Variants in LIMS1 observed in about 807,000 individuals in gnomAD.
LIMS1 encodes LIM zinc finger domain containing 1, also known as LIM and senescent cell antigen-like-containing domain protein 1.
A neutral mutation model predicts 44.1 loss-of-function variants in LIMS1; 18 were observed. The observed-to-expected ratio is 0.41, with a 90% CI of 0.28 to 0.61. The LOEUF (loss-of-function observed/expected upper bound fraction) is 0.61. Among genes scored for constraint, LIMS1 ranks in the 20% least tolerant of loss-of-function variants. LIMS1 has a pLI of 0.32. For synonymous variants in LIMS1, 93 were observed against 149.1 expected (o/e 0.62, Z 2.74); for missense variants, 201 against 422.0 (o/e 0.48, Z 4.59).
At chr2:108,576,946 C>T (rs905640091) in intron 1 of LIMS1, among the ~76,000 whole-genome samples, 3 of 152,180 alleles carry the variant, frequency 2.0e-5, no homozygotes, top group African/African-American at 7.2e-5. Context: ...TTCTGGCCAT[C>T]CCAAACAGGG....
chr2:108,651,084 GC>G (rs1690451336), intron 1 of LIMS1, among the ~76,000 whole-genome samples: 1 of 151,072 alleles, frequency 6.6e-6, no homozygotes, highest in Non-Finnish European at 1.5e-5. Context: ...AGGAAGGGCA[GC>G]CCATCAGTGC....
rs188537790 is a variant in LIMS1, at chr2:108,666,859, C to T, written c.193-3922C>T. On this transcript the variant is annotated intron_variant, in intron 2 of 9. Coordinates refer to ENST00000544547, the Ensembl canonical transcript of LIMS1. ...TACAAAGGATACAGCTGAAGAGATACGTAGGGTGAGGTATATAGGGGAAGG... is the reference window on the plus strand; with the variant it reads ...TACAAAGGATACAGCTGAAGAGATATGTAGGGTGAGGTATATAGGGGAAGG... Among the ~76,000 whole-genome samples, 12 of 151,914 alleles carry T rather than the reference C, an allele frequency of 7.9e-5. No individual in the cohort carries two copies. In the East Asian group the frequency reaches 1.2e-3, roughly 15 times the overall value.
intron 7 of LIMS1, 97 bp downstream of exon 7, chr2:108,676,795 T>G (rs1288304952): frequency 1.3e-6 from 1 of 766,526 alleles, no homozygotes; most frequent in Non-Finnish European, 2.0e-6. Context: ...ATGTACATTG[T>G]TCAGTAGAGA....
chr2:108,580,753 G>T (rs562817830), intron 1 of LIMS1, among the ~76,000 whole-genome samples: 1 of 152,202 alleles, frequency 6.6e-6, no homozygotes, highest in Non-Finnish European at 1.5e-5. Context: ...CAGGTTTCTC[G>T]CTTGGACTAG....
At chr2:108,573,192 A>ACT (rs1350287950) in intron 1 of LIMS1, among the ~76,000 whole-genome samples, 1 of 152,056 alleles carries the variant, frequency 6.6e-6, no homozygotes, top group African/African-American at 2.4e-5. Context: ...CTAAATACTT[A>ACT]CTCTCAATTT....
intron 1 of LIMS1, among the ~76,000 whole-genome samples, chr2:108,645,690 C>A (rs559643127): frequency 6.6e-6 from 1 of 152,172 alleles, no homozygotes; most frequent in African/African-American, 2.4e-5. Context: ...TTAAAAGACA[C>A]AGACTGGCAA....
At chr2:108,596,230 G>A (rs1026306136) in intron 1 of LIMS1, among the ~76,000 whole-genome samples, 10 of 152,122 alleles carry the variant, frequency 6.6e-5, no homozygotes, top group Non-Finnish European at 1.5e-4. Context: ...GTATTAATAC[G>A]AGTTAATTTG....
intron 1 of LIMS1, among the ~76,000 whole-genome samples, chr2:108,596,846 G>T (rs1324944310): frequency 1.3e-5 from 2 of 150,582 alleles, no homozygotes; most frequent in Non-Finnish European, 1.5e-5. Context: ...TAAAAAGGAG[G>T]GGGGCATGTT....
chr2:108,592,173 ACCCATTAGTT>A (rs1276229020), intron 1 of LIMS1, among the ~76,000 whole-genome samples: 1 of 151,798 alleles, frequency 6.6e-6, no homozygotes, highest in Non-Finnish European at 1.5e-5. Context: ...ATGTTGATTG[ACCCATTAGTT>A]CCAGGAGAAG....
chr2:108,591,953 C>T (rs532782173), intron 1 of LIMS1, among the ~76,000 whole-genome samples: 1 of 152,142 alleles, frequency 6.6e-6, no homozygotes, highest in Admixed American at 6.5e-5. Context: ...CACCACCATG[C>T]CCGGCTAATT....
chr2:108,554,337 C>T (rs1684851920), intron 1 of LIMS1, among the ~76,000 whole-genome samples: 1 of 152,130 alleles, frequency 6.6e-6, no homozygotes, highest in Admixed American at 6.5e-5. Context: ...TAACCCATGG[C>T]TCCACTTCAT....
chr2:108,584,361 GT>G (rs1488721540), intron 1 of LIMS1, among the ~76,000 whole-genome samples: 2 of 152,108 alleles, frequency 1.3e-5, no homozygotes, highest in African/African-American at 2.4e-5. Context: ...TGCATTCTAG[GT>G]TTCCCCCTAG....
At chr2:108,660,204 C>T in intron 2 of LIMS1, 2 of 477,226 alleles carry the variant, frequency 4.2e-6, no homozygotes, top group Non-Finnish European at 8.6e-6. Flanking sequence ...GTCACCCCCT[C>T]CACAACTTCC....
intron 1 of LIMS1, among the ~76,000 whole-genome samples, chr2:108,625,072 C>T (rs1357376208): frequency 6.6e-6 from 1 of 152,208 alleles, no homozygotes. Flanking sequence ...GAGTGAGACT[C>T]TCTCAAACAA....
chr2:108,634,510 A>G (rs1689105514), intron 1 of LIMS1, among the ~76,000 whole-genome samples: 1 of 152,216 alleles, frequency 6.6e-6, no homozygotes, highest in African/African-American at 2.4e-5. Flanking sequence ...ACCACTAGCA[A>G]GAGGCAAATC....
chr2:108,556,492 G>A (rs963132199), intron 1 of LIMS1, among the ~76,000 whole-genome samples: 1 of 152,176 alleles, frequency 6.6e-6, no homozygotes, highest in Non-Finnish European at 1.5e-5. Context: ...GGAGTTGCTG[G>A]ATCATATGGT....
chr2:108,596,927 T>C (rs1387582462), intron 1 of LIMS1, among the ~76,000 whole-genome samples: 1 of 142,652 alleles, frequency 7.0e-6, no homozygotes, highest in East Asian at 2.1e-4. Context: ...TTTTTTTTTT[T>C]TTTTTTTTTT....
chr2:108,535,037 A>G (rs147223143), intron 1 of LIMS1, among the ~76,000 whole-genome samples: 10 of 152,338 alleles, frequency 6.6e-5, no homozygotes, highest in Middle Eastern at 3.4e-3. Flanking sequence ...TCATTGAATA[A>G]ATCCGTGGTA....
rs529471593 is a variant in LIMS1, at chr2:108,648,952, G to A, written c.33-10653G>A. Among the ~76,000 whole-genome samples, 13 of 152,298 alleles carry A rather than the reference G, an allele frequency of 8.5e-5. 1 individual carries two copies. The South Asian group carries it at 2.5e-3, about 29-fold the overall frequency. On this transcript the variant is annotated intron_variant, in intron 1 of 9. Transcript: ENST00000544547. ...GGACTTCATGTCTAAAACACCAACAGCAATGGCAGCAAAAGCCAAAACTGA... is the reference window on the plus strand; with the variant it reads ...GGACTTCATGTCTAAAACACCAACAACAATGGCAGCAAAAGCCAAAACTGA...
Sources: gnomAD v4.1 joint callset for allele counts (sites outside exome capture counted in the v4.1 genomes callset) on GRCh38, gnomAD v4.1.1 for gene constraint, MANE v1.5 for transcripts, NCBI Gene and HGNC (gene_info 2026-07-23, HGNC 2026-07-21) for gene names.